Variants in THOC7 observed in about 807,000 individuals in gnomAD.
THOC7 encodes the protein THO complex subunit 7, also known as NIF3L1-binding protein 1.
THOC7 carries 22 observed loss-of-function variants against 33.1 expected under a neutral mutation model. The observed-to-expected ratio is 0.66, with a 90% CI of 0.47 to 0.95. THOC7 has a LOEUF of 0.95. Among genes scored for constraint, THOC7 ranks in the 40% least tolerant of loss-of-function variants. THOC7 has a pLI of 0.00. For missense variants in THOC7, 184 were observed against 245.3 expected (o/e 0.75, Z 1.67); for synonymous variants, 77 against 76.8 (o/e 1.00, Z -0.01).
In THOC7 at chr3:63,843,361, G is replaced by A. The variant is rs1321632147; in HGVS notation, c.20-3588C>T. On this transcript the variant is annotated intron_variant, in intron 1 of 7. Transcript: ENST00000295899. ...TCAAACTTCTGACCTCAAATGATCCGCCTACCTCGGCCTCTCAAAGTGCTG... is the reference window on the plus strand; with the variant it reads ...TCAAACTTCTGACCTCAAATGATCCACCTACCTCGGCCTCTCAAAGTGCTG... Among the ~76,000 whole-genome samples, 8 of 150,394 alleles carry A rather than the reference G, an allele frequency of 5.3e-5. No individual in the cohort carries two copies. The South Asian group carries it at 1.1e-3, about 20-fold the overall frequency.
chr3:63,856,009 C>T (rs1481784038), intron 1 of THOC7, among the ~76,000 whole-genome samples: 1 of 152,114 alleles, frequency 6.6e-6, no homozygotes, highest in Non-Finnish European at 1.5e-5. Context: ...GAAATTATTC[C>T]CACAAGTACG....
At chr3:63,852,082 A>C (rs1702030347) in intron 1 of THOC7, among the ~76,000 whole-genome samples, 3 of 152,192 alleles carry the variant, frequency 2.0e-5, no homozygotes, top group South Asian at 4.1e-4. Flanking sequence ...AGAAGGCCCA[A>C]GTGCAGCTTG....
intron 1 of THOC7, among the ~76,000 whole-genome samples, chr3:63,854,243 C>T (rs1055475008): frequency 6.6e-6 from 1 of 152,220 alleles, no homozygotes; most frequent in African/African-American, 2.4e-5. Context: ...AGAATAGCCT[C>T]TGTTCTTTTT....
intron 1 of THOC7, among the ~76,000 whole-genome samples, chr3:63,846,554 C>T (rs994953612): frequency 5.3e-5 from 8 of 152,084 alleles, no homozygotes; most frequent in African/African-American, 1.7e-4. Flanking sequence ...ATTACAGGCA[C>T]CCACCACCAC....
At chr3:63,857,386 A>G (rs917637782) in intron 1 of THOC7, among the ~76,000 whole-genome samples, 1 of 152,222 alleles carries the variant, frequency 6.6e-6, no homozygotes, top group African/African-American at 2.4e-5. Flanking sequence ...ATATGTTAAC[A>G]ACAACAAAGA....
At chr3:63,858,600 A>G (rs1702154032) in intron 1 of THOC7, among the ~76,000 whole-genome samples, 1 of 152,184 alleles carries the variant, frequency 6.6e-6, no homozygotes, top group Non-Finnish European at 1.5e-5. Flanking sequence ...TGTAGTGCAA[A>G]AAGTGCTTCT....
intron 7 of THOC7, 128 bp downstream of exon 7, chr3:63,835,026 G>A (rs1002254726): frequency 8.5e-5 from 73 of 855,878 alleles, no homozygotes; most frequent in Admixed American, 2.1e-4. Flanking sequence ...ACCTTCTAAC[G>A]TCATCCAGCT....
chr3:63,839,939 T>G (rs543651226), intron 1 of THOC7, among the ~76,000 whole-genome samples, 166 bp from the exon 2 acceptor site: 1 of 152,306 alleles, frequency 6.6e-6, no homozygotes, highest in African/African-American at 2.4e-5. Context: ...AATGGTAAAT[T>G]TTATGTTATG....
At chr3:63,843,160 C>A (rs1421214053) in intron 1 of THOC7, among the ~76,000 whole-genome samples, 1 of 150,722 alleles carries the variant, frequency 6.6e-6, no homozygotes, top group African/African-American at 2.4e-5. Flanking sequence ...ACTCTTTCAT[C>A]CAGGCTAGAG....
intron 1 of THOC7, among the ~76,000 whole-genome samples, chr3:63,859,737 T>C (rs1395243782): frequency 6.6e-6 from 1 of 152,256 alleles, no homozygotes; most frequent in African/African-American, 2.4e-5. Flanking sequence ...GGACCTCGCA[T>C]TGTGCCTAGA....
intron 1 of THOC7, among the ~76,000 whole-genome samples, chr3:63,845,873 C>A (rs1701881707): frequency 6.6e-6 from 1 of 152,078 alleles, no homozygotes. Flanking sequence ...ATGGCAAAAT[C>A]TTACAAAAGA....
At chr3:63,836,246 T>A (rs1700365413) in intron 5 of THOC7, 55 bp downstream of exon 5, 11 of 1,544,954 alleles carry the variant, frequency 7.1e-6, no homozygotes, top group Non-Finnish European at 9.7e-6. Context: ...TACGGTAGTT[T>A]TCGAGCATTT....
At chr3:63,856,221 A>G (rs72890121) in intron 1 of THOC7, among the ~76,000 whole-genome samples, 12,176 of 152,090 alleles carry the variant, frequency 0.08, 1,170 homozygotes, top group African/African-American at 0.23. Context: ...GAGGTAGAAA[A>G]TAGAGATGGT....
At chr3:63,839,035 C>T (rs1286846735) in intron 2 of THOC7, among the ~76,000 whole-genome samples, 3 of 152,058 alleles carry the variant, frequency 2.0e-5, no homozygotes, top group Non-Finnish European at 4.4e-5. Context: ...TACTAAAATA[C>T]AAAAATTAGT....
chr3:63,863,659 G>T (rs1702297804), intron 1 of THOC7, 113 bp downstream of exon 1: 1 of 1,222,990 alleles, frequency 8.2e-7, no homozygotes, highest in Admixed American at 4.4e-5. Flanking sequence ...GCGCTCTGGC[G>T]AAGAGGCCGG....
At chr3:63,857,520 T>C (rs758589992) in intron 1 of THOC7, among the ~76,000 whole-genome samples, 1 of 152,222 alleles carries the variant, frequency 6.6e-6, no homozygotes, top group Non-Finnish European at 1.5e-5. Flanking sequence ...GTTATTAAGA[T>C]GAATCACACA....
chr3:63,847,306 T>A (rs927423573), intron 1 of THOC7, among the ~76,000 whole-genome samples: 3 of 152,236 alleles, frequency 2.0e-5, no homozygotes, highest in Admixed American at 6.5e-5. Context: ...TTTAATGAAC[T>A]CTCATCAGGT....
intron 1 of THOC7, among the ~76,000 whole-genome samples, chr3:63,856,383 C>T (rs1210973189): frequency 2.0e-5 from 3 of 151,840 alleles, no homozygotes; most frequent in Non-Finnish European, 4.4e-5. Context: ...ACATTTTATA[C>T]CAACTAAAAG....
In THOC7 at chr3:63,836,283, G is replaced by C. The variant is rs1701633447; in HGVS notation, c.410+18C>G. 1 of 1,608,112 alleles carries C rather than the reference G, an allele frequency of 6.2e-7. No homozygotes were observed. The highest frequency in any genetic ancestry group is 1.7e-5 in the Admixed American group (1 of 59,500). On this transcript the variant is annotated intron_variant, in intron 5 of 7. Transcript: ENST00000295899. ...TGTATAAAGGTTAGTTCCTTTCAAA[G>C]TAAAGCTCTACACTTACTTTAATGT...
Sources: allele counts gnomAD v4.1 joint callset (sites outside exome capture counted in the v4.1 genomes callset), GRCh38; gene constraint gnomAD v4.1.1; transcripts MANE v1.5; gene names NCBI Gene and HGNC (gene_info 2026-07-23, HGNC 2026-07-21).